The following ERBB3 variants were observed in gnomAD, a reference collection of about 807,000 sequenced individuals.
ERBB3 encodes erb-b2 receptor tyrosine kinase 3.
In ERBB3, 96 loss-of-function variants were observed where a neutral mutation model predicts 156.7. The ratio of observed to expected loss-of-function variants is 0.61; its 90% confidence interval spans 0.52 to 0.73. The LOEUF (loss-of-function observed/expected upper bound fraction) is 0.73. Among genes scored for constraint, ERBB3 ranks in the 30% least tolerant of loss-of-function variants. The pLI is 0.00. For synonymous variants in ERBB3, 567 were observed against 632.0 expected (o/e 0.90, Z 1.54); for missense variants, 1,406 against 1,709.4 (o/e 0.82, Z 3.13).
intron 10 of ERBB3, 71 bp from the exon 11 acceptor site, chr12:56,092,914 AT>A: frequency 1.3e-6 from 2 of 1,535,232 alleles, no homozygotes; most frequent in Non-Finnish European, 1.8e-6. Flanking sequence ...GTCCCAAGTT[AT>A]AGGGGAGGAG....
In ERBB3 at chr12:56,100,212, C is replaced by A. The variant is rs776033298; in HGVS notation, c.3168C>A (p.Pro1056=). ...SLLSPSSGYM[P]MNQGNLGESC... is the part of the protein sequence containing the mutation. ...TAAGTCCATCATCTGGATACATGCC[C>A]ATGAACCAGGGTAATCTTGGGGAGT... The change falls in exon 26 of 28, where the codon CCC becomes CCA. Residue 1056 remains proline, a synonymous_variant. Coordinates refer to ENST00000267101, the MANE Select transcript of ERBB3 (RefSeq NM_001982.4). 2 of 1,614,144 alleles carry A rather than the reference C, an allele frequency of 1.2e-6. No individual in the cohort carries two copies. Among genetic ancestry groups the A allele is most frequent in the Non-Finnish European group, 1.7e-6 (2 of 1,179,996 alleles).
intron 8 of ERBB3, 33 bp downstream of exon 8, chr12:56,088,689 A>G (rs757391301): frequency 6.2e-7 from 1 of 1,614,072 alleles, no homozygotes; most frequent in Non-Finnish European, 8.5e-7. Flanking sequence ...TTGTAAAGAG[A>G]CAGCCTTTCC....
chr12:56,087,673 C>G (rs1868530980), intron 5 of ERBB3, 31 bp downstream of exon 5: 1 of 1,609,282 alleles, frequency 6.2e-7, no homozygotes, highest in Admixed American at 1.7e-5. Context: ...AAAAACTTCA[C>G]TCATACGCTT....
chr12:56,089,809 C>A (rs1868611408), intron 9 of ERBB3, among the ~76,000 whole-genome samples: 1 of 151,536 alleles, frequency 6.6e-6, no homozygotes, highest in Non-Finnish European at 1.5e-5. Flanking sequence ...TTCACTCATT[C>A]TGCTCCTTGG....
intron 9 of ERBB3, among the ~76,000 whole-genome samples, chr12:56,089,474 C>G (rs1034429505): frequency 3.3e-5 from 5 of 152,000 alleles, no homozygotes; most frequent in South Asian, 2.1e-4. Flanking sequence ...CAGGCTGGGC[C>G]CGGTGGCTCA....
chr12:56,093,935 G>A (rs1868804510), intron 13 of ERBB3, 39 bp downstream of exon 13: 1 of 1,612,972 alleles, frequency 6.2e-7, no homozygotes, highest in Non-Finnish European at 8.5e-7. Flanking sequence ...GGTGGGGGTG[G>A]GGCCCTGCAA....
In ERBB3 at chr12:56,097,969, G is replaced by A. The variant is rs75518415; in HGVS notation, c.2616+29G>A. On this transcript the variant is annotated intron_variant, in intron 21 of 27. Transcript: ENST00000267101. ...AGGAGACACAAAGGGTAAGGAGGCG[G>A]GGGTGGAGTGAAGCATGGGGATAGG... The A allele has an allele frequency of 1.6e-4, 254 of 1,610,626 alleles. No homozygotes were observed. In the African/African-American group the frequency reaches 2.9e-3, roughly 19 times the overall value.
Position 56,101,569 on chromosome 12 carries a change from T to G in ERBB3, c.3543T>G (p.Gly1181=). Residue 1181 remains glycine (G), a synonymous_variant, in exon 28 of 28, where the codon GGT becomes GGG. Coordinates refer to ENST00000267101, the MANE Select transcript of ERBB3 (RefSeq NM_001982.4). The part of the protein sequence containing the change: ...SSREGTLSSV[G]LSSVLGTEEE... ...GGGAAGGCACCCTTTCTTCAGTGGG[T>G]CTCAGTTCTGTCCTGGGTACTGAAG... 2 of 1,613,938 alleles carry G rather than the reference T, an allele frequency of 1.2e-6. No homozygotes were observed. The highest frequency in any genetic ancestry group is 1.7e-6 in the Non-Finnish European group (2 of 1,179,982).
rs772361694 is a variant in ERBB3, at chr12:56,094,088, C to G, written c.1614-11C>G. 12 of 1,600,004 alleles carry G rather than the reference C, an allele frequency of 7.5e-6. No individual in the cohort carries two copies. In the East Asian group the frequency reaches 2.5e-4, roughly 33 times the overall value. On this transcript the variant is annotated splice_polypyrimidine_tract_variant and intron_variant, in intron 13 of 27. Coordinates refer to ENST00000267101, the MANE Select transcript of ERBB3 (RefSeq NM_001982.4). ...GAAGTGACCCCCCCCTCCCTTTATT[C>G]CCCACTACAGGGAGCCTCGAGAATT...
At position 56,090,666 on chromosome 12, in the gene ERBB3, G is replaced by A. The variant is rs1230451271; in HGVS notation, c.1109+1798G>A. ...CCCCGCCAAAAAAAATACCACATAC[G>A]CTTTATCACTTCTCTCTCTCTCTGT... On this transcript the variant is annotated intron_variant, in intron 9 of 27. Transcript: ENST00000267101. Among the ~76,000 whole-genome samples, 14 of 151,570 alleles carry A rather than the reference G, an allele frequency of 9.2e-5. No homozygotes were observed. In the East Asian group the frequency reaches 2.2e-3, roughly 23 times the overall value.
intron 7 of ERBB3, 122 bp from the exon 8 acceptor site, chr12:56,088,421 G>A: frequency 1.1e-6 from 1 of 894,520 alleles, no homozygotes; most frequent in South Asian, 1.3e-5. Context: ...GGGATCTAGG[G>A]TGGCAGATGG....
rs1555212758 is a variant in ERBB3, at chr12:56,102,819, A to AAAC, written c.*766_*767insCAA. ...CCCCCATCTCTTTAAAAAAAAAAAA[A>AAAC]AAAAAAAAAAAAAAACTTTAGAACT... On this transcript the variant is annotated 3_prime_UTR_variant, in exon 28 of 28. Coordinates refer to ENST00000267101, the MANE Select transcript of ERBB3 (RefSeq NM_001982.4). The AAAC allele has an allele frequency of 1.4e-5, 3 of 213,842 alleles. No individual in the cohort carries two copies. The highest frequency in any genetic ancestry group is 6.8e-5 in the East Asian group (1 of 14,798). 13.2% of individuals were successfully genotyped at this position (213,842 alleles called of 1,614,324 possible). A position where few individuals can be genotyped will look rare whatever the true frequency, so the allele number is the denominator to read the frequency against.
At chr12:56,099,352 C>T (rs1869008329) in intron 23 of ERBB3, among the ~76,000 whole-genome samples, 1 of 150,778 alleles carries the variant, frequency 6.6e-6, no homozygotes, top group African/African-American at 2.4e-5. Flanking sequence ...TACTGGAGTG[C>T]AGTAGCGTGA....
Position 56,103,193 on chromosome 12 carries a change from G to C in ERBB3, c.*1138G>C, listed in dbSNP as rs1256524942. 4.3e-6 allele frequency: 1 copy of C among 230,268 alleles called. No individual in the cohort carries two copies. Among genetic ancestry groups the C allele is most frequent in the African/African-American group, 2.2e-5 (1 of 45,150 alleles). The allele number at this position is 230,268 out of a possible 1,614,324, so 14.3% of individuals were successfully genotyped here. On this transcript the variant is annotated 3_prime_UTR_variant, in exon 28 of 28. Transcript: ENST00000267101. ...TCCTATACCTAGACATCTCATCTCA[G>C]GAAGTGGTGGTGGGGGTAGTCAGAA...
At position 56,091,266 on chromosome 12, in the gene ERBB3, TTATA is replaced by T. The variant is rs199547778; in HGVS notation, c.1110-1454_1110-1451del. Reference sequence around the variant, plus strand: ...TGCATGCCACCATGCTTGGCTAATTTTATATATATATATATATATATATATATAT... The same window carrying T: ...TGCATGCCACCATGCTTGGCTAATTTTATATATATATATATATATATATAT... On this transcript the variant is annotated intron_variant, in intron 9 of 27. Transcript: ENST00000267101. Among the ~76,000 whole-genome samples the T allele has an allele frequency of 5.3e-4, 23 of 43,424 alleles. No individual in the cohort carries two copies. In the East Asian group the frequency reaches 7.2e-3, roughly 14 times the overall value. 28.5% of individuals were successfully genotyped at this position (43,424 alleles called of 152,430 possible). A position where few individuals can be genotyped will look rare whatever the true frequency, so the allele number is the denominator to read the frequency against.
intron 1 of ERBB3, among the ~76,000 whole-genome samples, chr12:56,082,145 C>A (rs963941847): frequency 7.2e-5 from 11 of 152,140 alleles, no homozygotes; most frequent in African/African-American, 2.4e-4. Flanking sequence ...TAGATGGGGC[C>A]ACCTGAAATA....
At chr12:56,097,468 G>A (rs762701988) in intron 20 of ERBB3, among the ~76,000 whole-genome samples, 3 of 152,130 alleles carry the variant, frequency 2.0e-5, no homozygotes, top group African/African-American at 4.8e-5. Flanking sequence ...CCCGAGTTCC[G>A]CCTCCTGTCA....
intron 23 of ERBB3, 134 bp downstream of exon 23, chr12:56,099,039 A>C (rs2136823832): frequency 2.5e-6 from 2 of 800,670 alleles, no homozygotes; most frequent in African/African-American, 1.8e-5. Flanking sequence ...GCTCACTACA[A>C]CCTCCGCCTC....
chr12:56,099,536 T>G (rs1180713384), intron 23 of ERBB3, 112 bp from the exon 24 acceptor site: 2 of 858,246 alleles, frequency 2.3e-6, no homozygotes, highest in Non-Finnish European at 4.0e-6. Context: ...CGACCTCAGG[T>G]GATCCACCCG....
Sources: allele counts gnomAD v4.1 joint callset (sites outside exome capture counted in the v4.1 genomes callset), GRCh38; gene constraint gnomAD v4.1.1; transcripts MANE v1.5; gene names NCBI Gene and HGNC (gene_info 2026-07-23, HGNC 2026-07-21).